Variants in ASH1L observed in about 807,000 individuals in gnomAD.
The protein encoded by ASH1L is ASH1 like histone lysine methyltransferase.
ASH1L carries 23 observed loss-of-function variants against 269.0 expected under a neutral mutation model. The ratio of observed to expected loss-of-function variants is 0.09; its 90% CI spans 0.06 to 0.12. The LOEUF is 0.12. Among genes scored for constraint, ASH1L ranks in the 10% least tolerant of loss-of-function variants. The probability of loss-of-function intolerance (pLI) is 1.00; values close to 1 mark genes in which losing one functional copy is unlikely to be tolerated. For missense variants in ASH1L, 2,912 were observed against 3,567.8 expected, an observed-to-expected ratio of 0.82 and a Z score of 4.68; for synonymous variants, 1,187 against 1,253.5, an observed-to-expected ratio of 0.95 and a Z score of 1.12.
chr1:155,337,564 G>T lies in ASH1L; in HGVS notation c.*96C>A. The T allele has an allele frequency of 2.0e-6, 2 of 1,011,452 alleles. No individual in the cohort carries two copies. Among genetic ancestry groups the T allele is most frequent in the Non-Finnish European group, 3.1e-6 (2 of 646,036 alleles). The allele number at this position is 1,011,452 out of a possible 1,614,324, so 62.7% of individuals were successfully genotyped here. On this transcript the variant is annotated 3_prime_UTR_variant, in exon 28 of 28. Transcript: ENST00000392403. The stretch of plus-strand genomic sequence containing the variant: ...ATGGCCCCATTCCCCTTGCCCAGAT[G>T]GACCCTTCCCACCCCTGTCTATACC...
chr1:155,374,771 G>A (rs898122585), intron 10 of ASH1L, among the ~76,000 whole-genome samples: 1 of 151,930 alleles, frequency 6.6e-6, no homozygotes, highest in African/African-American at 2.4e-5. Flanking sequence ...CTATAATCAT[G>A]GCTTCAAATG....
intron 6 of ASH1L, among the ~76,000 whole-genome samples, chr1:155,411,586 A>AATAAATATATATATATATAT (rs1297131961): frequency 1.4e-3 from 76 of 55,050 alleles, no homozygotes; most frequent in East Asian, 2.7e-3. Flanking sequence ...TAAATAAATA[A>AATAAATATATATATATATAT]ATATATATAT....
At chr1:155,466,861 T>A (rs1664737702) in intron 3 of ASH1L, among the ~76,000 whole-genome samples, 1 of 152,174 alleles carries the variant, frequency 6.6e-6, no homozygotes, top group Non-Finnish European at 1.5e-5. Context: ...TTGTTTGAGA[T>A]CAGTATATTC....
chr1:155,461,825 G>C, intron 3 of ASH1L, among the ~76,000 whole-genome samples: 1 of 139,102 alleles, frequency 7.2e-6, no homozygotes, highest in African/African-American at 2.6e-5. Context: ...TTTTTTGGGA[G>C]ACGGACTCTG....
chr1:155,440,911 C>G (rs1271456249), intron 4 of ASH1L, among the ~76,000 whole-genome samples: 2 of 152,170 alleles, frequency 1.3e-5, no homozygotes, highest in East Asian at 3.9e-4. Flanking sequence ...ATAAAGCTAA[C>G]ATTATGTATA....
chr1:155,523,842 G>A (rs1329337746), intron 1 of ASH1L, among the ~76,000 whole-genome samples: 1 of 152,080 alleles, frequency 6.6e-6, no homozygotes. Flanking sequence ...TTGCACTCCA[G>A]GCCAGGTGAC....
chr1:155,369,032 G>A (rs186547740), intron 12 of ASH1L, among the ~76,000 whole-genome samples: 105 of 152,274 alleles, frequency 6.9e-4, no homozygotes, highest in African/African-American at 2.4e-3. Context: ...TTGGGGGATT[G>A]GGAGATTGAC....
intron 2 of ASH1L, among the ~76,000 whole-genome samples, chr1:155,496,431 TAAAAAGA>T (rs1667158897): frequency 6.6e-6 from 1 of 152,094 alleles, no homozygotes; most frequent in African/African-American, 2.4e-5. Flanking sequence ...AATGTAGCCA[TAAAAAGA>T]AAAAAGACAT....
chr1:155,457,380 T>C (rs959352225), intron 4 of ASH1L, among the ~76,000 whole-genome samples: 3 of 152,354 alleles, frequency 2.0e-5, no homozygotes, highest in Admixed American at 2.0e-4. Flanking sequence ...CCACCACTTA[T>C]GTACATTAGT....
chr1:155,370,437 C>T lies in ASH1L; in HGVS notation c.6686+67G>A. 4 of 1,594,830 alleles carry T rather than the reference C, an allele frequency of 2.5e-6. No homozygotes were observed. The Admixed American group carries it at 6.7e-5, about 27-fold the overall frequency. On this transcript the variant is annotated intron_variant, in intron 12 of 27. Coordinates refer to ENST00000392403, the MANE Select transcript of ASH1L (RefSeq NM_018489.3). ...GTAAGCTGACTGACACTGGAAAGAT[C>T]AATCCCTTGCTGCACTCAATGCTTA...
chr1:155,336,633 G>T lies in ASH1L; in HGVS notation c.*1027C>A, dbSNP rs1315787903. On this transcript the variant is annotated 3_prime_UTR_variant, in exon 28 of 28. Transcript: ENST00000392403. ...GAGGGTGAGGGAAGATGGGCTAGGG[G>T]TGAAGAGAAATATACTGTCTCTTTA... 6.6e-6 allele frequency: 1 copy of T among 152,628 alleles called. No individual in the cohort carries two copies. The highest frequency in any genetic ancestry group is 1.5e-5 in the Non-Finnish European group (1 of 68,008). 9.5% of individuals were successfully genotyped at this position (152,628 alleles called of 1,614,324 possible).
chr1:155,559,298 G>A (rs952842363), intron 1 of ASH1L, among the ~76,000 whole-genome samples: 1 of 152,094 alleles, frequency 6.6e-6, no homozygotes, highest in African/African-American at 2.4e-5. Context: ...CAGCACTTTG[G>A]GAGGCCGAGG....
chr1:155,385,768 G>C (rs1657378708), intron 7 of ASH1L, among the ~76,000 whole-genome samples: 1 of 152,158 alleles, frequency 6.6e-6, no homozygotes, highest in Non-Finnish European at 1.5e-5. Context: ...GCAGAAAAGG[G>C]ATAAAGCTGC....
At chr1:155,384,506 T>G (rs1657248941) in intron 7 of ASH1L, among the ~76,000 whole-genome samples, 1 of 151,986 alleles carries the variant, frequency 6.6e-6, no homozygotes, top group Admixed American at 6.6e-5. Context: ...TTTTATTTTT[T>G]CTGAGATTCG....
intron 2 of ASH1L, among the ~76,000 whole-genome samples, chr1:155,517,171 G>C (rs1325267285): frequency 6.6e-6 from 1 of 152,144 alleles, no homozygotes; most frequent in Non-Finnish European, 1.5e-5. Context: ...CAAAGTTGGA[G>C]GACTCACACT....
chr1:155,342,628 G>A (rs1652912875), intron 24 of ASH1L, among the ~76,000 whole-genome samples: 1 of 152,090 alleles, frequency 6.6e-6, no homozygotes, highest in Non-Finnish European at 1.5e-5. Flanking sequence ...CATATATTGA[G>A]CTTTTACTCT....
intron 4 of ASH1L, among the ~76,000 whole-genome samples, chr1:155,450,748 C>A (rs1256777839): frequency 1.3e-5 from 2 of 152,162 alleles, no homozygotes; most frequent in Non-Finnish European, 2.9e-5. Flanking sequence ...ATCTGTTCAC[C>A]ATTGCTCATA....
At chr1:155,489,364 C>T (rs61812092) in intron 2 of ASH1L, among the ~76,000 whole-genome samples, 19,976 of 151,630 alleles carry the variant, frequency 0.13, 1,727 homozygotes, top group Non-Finnish European at 0.2. Flanking sequence ...ATCCTAGCTA[C>T]TCAGGAGGCT....
intron 17 of ASH1L, 48 bp downstream of exon 17, chr1:155,352,652 AAAAAAG>A (rs890108846): frequency 9.9e-5 from 151 of 1,518,700 alleles, no homozygotes; most frequent in South Asian, 4.2e-4. Context: ...TTATTTAAAA[AAAAAAG>A]AAAAAGAAAA....
Sources: allele counts gnomAD v4.1 joint callset (sites outside exome capture counted in the v4.1 genomes callset), GRCh38; gene constraint gnomAD v4.1.1; transcripts MANE v1.5; gene names NCBI Gene and HGNC (gene_info 2026-07-23, HGNC 2026-07-21).